The following EYS variants were observed in gnomAD, a reference collection of about 807,000 sequenced individuals.
EYS encodes the protein EGF-like photoreceptor maintenance factor, also known as protein eyes shut homolog.
In EYS, 250 loss-of-function variants were observed where a neutral mutation model predicts 282.1. The observed-to-expected ratio is 0.89, with a 90% confidence interval of 0.80 to 0.98. EYS has a LOEUF of 0.98. Ranked by LOEUF, EYS falls within the 50% of genes least tolerant of loss-of-function variation. The pLI is 0.00. For synonymous variants in EYS, 1,355 were observed against 1,282.9 expected, an observed-to-expected ratio of 1.06 and a Z score of -1.20; for missense variants, 4,016 against 3,709.0, an observed-to-expected ratio of 1.08 and a Z score of -2.15.
intron 26 of EYS, among the ~76,000 whole-genome samples, chr6:64,514,709 T>G (rs1169239496): frequency 2.0e-5 from 3 of 151,786 alleles, no homozygotes; most frequent in Non-Finnish European, 2.9e-5. Context: ...TGTGAGCAAC[T>G]GTTTACCAAG....
chr6:64,090,903 C>T (rs1190825936), intron 31 of EYS, among the ~76,000 whole-genome samples: 2 of 152,132 alleles, frequency 1.3e-5, no homozygotes, highest in East Asian at 3.8e-4. Flanking sequence ...CATATCTCCT[C>T]TGTTAATTAC....
At chr6:65,242,241 AG>A (rs1767074906) in intron 12 of EYS, among the ~76,000 whole-genome samples, 1 of 152,050 alleles carries the variant, frequency 6.6e-6, no homozygotes. Flanking sequence ...ATCTAATTTT[AG>A]AATTTTTTTT....
intron 29 of EYS, among the ~76,000 whole-genome samples, chr6:64,319,507 A>G (rs1481889658): frequency 6.6e-6 from 1 of 151,996 alleles, no homozygotes; most frequent in Non-Finnish European, 1.5e-5. Flanking sequence ...CTAAGGAACA[A>G]TTTTACTTGT....
Position 65,546,185 on chromosome 6 carries a change from GTT to G in EYS, c.-332-50194_-332-50193del, listed in dbSNP as rs5876969. Among the ~76,000 whole-genome samples, 235 of 126,820 alleles carry G rather than the reference GTT, an allele frequency of 1.9e-3. 2 individuals carry two copies. Among genetic ancestry groups the G allele is most frequent in the East Asian group, 4.0e-3 (17 of 4,238 alleles). The allele number at this position is 126,820 out of a possible 152,430, so 83.2% of individuals were successfully genotyped here. ...AGGAGCACATGACTACATCTGTCTA[GTT>G]TTTTTTTTTTTTTTTTTAATATATA... On this transcript the variant is annotated intron_variant, in intron 2 of 42. Coordinates refer to ENST00000503581, the MANE Select transcript of EYS (RefSeq NM_001142800.2).
intron 22 of EYS, among the ~76,000 whole-genome samples, chr6:64,674,787 TAC>T (rs1769595231): frequency 6.6e-6 from 1 of 151,610 alleles, no homozygotes; most frequent in African/African-American, 2.4e-5. Flanking sequence ...CACATATATA[TAC>T]ACACACATAC....
chr6:65,402,495 C>T lies in EYS; in HGVS notation c.1167G>A (p.Glu389=), dbSNP rs759581469. ...LRNNATCKKC[E]KDYPCSCISG... ...AATTATACCTGCAAGGATAATCTTT[C>T]TCACATTTCTTACATGTAGCATTAT... is the stretch of plus-strand genomic sequence containing the variant. The change falls in exon 7 of 43, where the codon GAG becomes GAA. Residue 389 remains glutamate (E), a synonymous_variant. Coordinates refer to ENST00000503581, the MANE Select transcript of EYS (RefSeq NM_001142800.2). 6.6e-6 allele frequency: 10 copies of T among 1,518,394 alleles called. No homozygotes were observed. In the African/African-American group the frequency reaches 9.6e-5, roughly 15 times the overall value. 94.1% of individuals were successfully genotyped at this position (1,518,394 alleles called of 1,614,324 possible).
chr6:64,782,220 G>A (rs1293554276), intron 22 of EYS, among the ~76,000 whole-genome samples: 1 of 152,214 alleles, frequency 6.6e-6, no homozygotes, highest in Non-Finnish European at 1.5e-5. Flanking sequence ...TGTCATCTGA[G>A]AGAATTCTTA....
At chr6:64,292,514 A>G (rs1244417740) in intron 30 of EYS, among the ~76,000 whole-genome samples, 1 of 152,120 alleles carries the variant, frequency 6.6e-6, no homozygotes, top group Non-Finnish European at 1.5e-5. Context: ...CACAGAAGTT[A>G]GAATAAGGTT....
intron 13 of EYS, among the ~76,000 whole-genome samples, chr6:65,043,704 A>G (rs935104446): frequency 4.0e-5 from 6 of 151,368 alleles, no homozygotes; most frequent in African/African-American, 1.5e-4. Flanking sequence ...AGGTTAATCA[A>G]TGTTGTCACA....
At chr6:64,477,464 T>C (rs1582801644) in intron 26 of EYS, among the ~76,000 whole-genome samples, 1 of 152,142 alleles carries the variant, frequency 6.6e-6, no homozygotes. Context: ...CTGTGGTCAG[T>C]AAATAATTTG....
In EYS at chr6:64,997,619, G is replaced by A. The variant is rs1009558644; in HGVS notation, c.2222C>T (p.Ala741Val). 6 of 1,551,058 alleles carry A rather than the reference G, an allele frequency of 3.9e-6. No individual in the cohort carries two copies. In the African/African-American group the frequency reaches 8.2e-5, roughly 21 times the overall value. Residue 741 changes from alanine (A) to valine (V), a missense_variant, in exon 14 of 43, where the codon GCC (alanine) becomes GTC (valine). Ala to Val is a moderately conservative substitution (Grantham distance 64). Transcript: ENST00000503581. ...TTTGCAGGTAGAATTGTGCTCACAG[G>A]CATTCAGGATGCAGTCATCAATGTC... ...EQDIDDCILN[A>V]CEHNSTCKDL...
Position 64,984,345 on chromosome 6 carries a change from T to C in EYS, c.2259+13237A>G, listed in dbSNP as rs538151090. 2.0e-5 allele frequency among the ~76,000 whole-genome samples: 3 copies of C among 151,532 alleles called. No individual in the cohort carries two copies. The South Asian group carries it at 6.2e-4, about 31-fold the overall frequency. On this transcript the variant is annotated intron_variant, in intron 14 of 42. Coordinates refer to ENST00000503581, the MANE Select transcript of EYS (RefSeq NM_001142800.2). ...TATCAACTGAAAACTAAAAGACATA[T>C]GATAATATTTTCCACACCATTTTTG... is the stretch of plus-strand genomic sequence containing the variant.
At chr6:64,343,837 A>G (rs943181990) in intron 29 of EYS, among the ~76,000 whole-genome samples, 26 of 152,160 alleles carry the variant, frequency 1.7e-4, no homozygotes, top group Non-Finnish European at 1.5e-5. Context: ...AAAAGAGAGA[A>G]GAATCAAATA....
chr6:65,429,720 T>C (rs1767804641), intron 5 of EYS, among the ~76,000 whole-genome samples: 2 of 152,010 alleles, frequency 1.3e-5, no homozygotes, highest in East Asian at 1.9e-4. Context: ...TGGAGAAACA[T>C]TGAGAATGAT....
intron 12 of EYS, among the ~76,000 whole-genome samples, chr6:65,109,877 T>C (rs1775162325): frequency 6.6e-6 from 1 of 152,168 alleles, no homozygotes; most frequent in African/African-American, 2.4e-5. Flanking sequence ...ATACGTGTTT[T>C]ATAATTTTCT....
intron 29 of EYS, chr6:64,379,782 A>G (rs747543932): frequency 1.2e-4 from 18 of 152,190 alleles, no homozygotes; most frequent in Non-Finnish European, 2.1e-4. Context: ...TGCAATTTAT[A>G]TGCTGAGGAA....
intron 12 of EYS, among the ~76,000 whole-genome samples, chr6:65,066,654 C>G (rs1773754451): frequency 6.6e-6 from 1 of 152,116 alleles, no homozygotes; most frequent in South Asian, 2.1e-4. Context: ...ATTCAAAAGA[C>G]TGAATACAAA....
chr6:64,011,135 T>TATTTG (rs1768602835), intron 33 of EYS, among the ~76,000 whole-genome samples: 1 of 152,214 alleles, frequency 6.6e-6, no homozygotes, highest in South Asian at 2.1e-4. Context: ...TACTCTTACC[T>TATTTG]TCTTTGCTGC....
intron 26 of EYS, among the ~76,000 whole-genome samples, chr6:64,440,109 G>A (rs1016328167): frequency 2.0e-5 from 3 of 151,270 alleles, no homozygotes; most frequent in South Asian, 2.1e-4. Flanking sequence ...TTTTCATGAC[G>A]TCCCCAACAC....
Sources: gnomAD v4.1 joint callset for allele counts (sites outside exome capture counted in the v4.1 genomes callset) on GRCh38, gnomAD v4.1.1 for gene constraint, MANE v1.5 for transcripts, NCBI Gene and HGNC (gene_info 2026-07-23, HGNC 2026-07-21) for gene names.